PKD2L1: variants seen among roughly 807,000 people sequenced by gnomAD.
PKD2L1 encodes polycystin 2 like 1, transient receptor potential cation channel.
PKD2L1 carries 77 observed loss-of-function variants against 93.0 expected under a neutral mutation model. The observed-to-expected ratio is 0.83, with a 90% CI of 0.69 to 1.00. The LOEUF is 1.00. Among genes scored for constraint, PKD2L1 ranks in the 50% least tolerant of loss-of-function variants. The pLI, the probability that PKD2L1 is intolerant of heterozygous loss-of-function variation, is 0.00. For synonymous variants in PKD2L1, 390 were observed against 388.0 expected (o/e 1.01, Z -0.06); for missense variants, 977 against 990.9 (o/e 0.99, Z 0.19).
At chr10:100,299,211 C>T (rs146209674) in intron 3 of PKD2L1, among the ~76,000 whole-genome samples, 260 of 152,294 alleles carry the variant, frequency 1.7e-3, no homozygotes, top group African/African-American at 5.8e-3. Flanking sequence ...TCTGCCTCAG[C>T]CTCCTAAAGT....
At chr10:100,318,307 A>G (rs1377236310) in intron 2 of PKD2L1, among the ~76,000 whole-genome samples, 2 of 152,334 alleles carry the variant, frequency 1.3e-5, no homozygotes, top group Middle Eastern at 3.4e-3. Context: ...CCTATCAGAC[A>G]TATCTGCTGA....
chr10:100,306,008 T>C (rs1160017076), intron 2 of PKD2L1, among the ~76,000 whole-genome samples: 1 of 151,812 alleles, frequency 6.6e-6, no homozygotes, highest in Non-Finnish European at 1.5e-5. Flanking sequence ...CGTGGCAAGA[T>C]CCTGTTTCTA....
At chr10:100,310,936 G>A (rs1481569420) in intron 2 of PKD2L1, among the ~76,000 whole-genome samples, 1 of 152,120 alleles carries the variant, frequency 6.6e-6, no homozygotes, top group Non-Finnish European at 1.5e-5. Context: ...GTTTCACGTT[G>A]CCCAGGCTGG....
Position 100,288,493 on chromosome 10 carries a change from G to T in PKD2L1, c.2336-15C>A. ...ATAGGGAACCTCTGTGGGGGAAAACGAGAAACCCATGGGTGCTAGCAACAA... is the reference window on the plus strand; with the variant it reads ...ATAGGGAACCTCTGTGGGGGAAAACTAGAAACCCATGGGTGCTAGCAACAA... On this transcript the variant is annotated splice_polypyrimidine_tract_variant and intron_variant, in intron 15 of 15. Transcript: ENST00000318222. 6.6e-7 allele frequency: 1 copy of T among 1,524,232 alleles called. No individual in the cohort carries two copies. Among genetic ancestry groups the T allele is most frequent in the South Asian group, 1.1e-5 (1 of 89,272 alleles). 94.4% of individuals were successfully genotyped at this position (1,524,232 alleles called of 1,614,324 possible).
intron 2 of PKD2L1, among the ~76,000 whole-genome samples, chr10:100,323,557 C>T (rs572440752): frequency 2.6e-4 from 39 of 152,278 alleles, no homozygotes; most frequent in South Asian, 8.3e-4. Flanking sequence ...GCATGAGCCA[C>T]GGCGCCCGGC....
chr10:100,321,886 G>GGAAGCAAGCAA (rs1849263908), intron 2 of PKD2L1, among the ~76,000 whole-genome samples: 2 of 5,442 alleles, frequency 3.7e-4, no homozygotes, highest in Non-Finnish European at 1.9e-3. Flanking sequence ...CAGGGAGGGA[G>GGAAGCAAGCAA]GGAGGGAGGG....
Position 100,298,655 on chromosome 10 carries a change from T to C in PKD2L1, c.638A>G (p.His213Arg), listed in dbSNP as rs1325164518. The C allele has an allele frequency of 1.2e-6, 2 of 1,614,068 alleles. No homozygotes were observed. Among genetic ancestry groups the C allele is most frequent in the Admixed American group, 1.7e-5 (1 of 59,996 alleles). The change falls in exon 4 of 16, where the codon CAT becomes CGT. Residue 213 changes from histidine (H) to arginine (R), a missense_variant. His to Arg is a conservative substitution (Grantham distance 29, BLOSUM62 0). Transcript: ENST00000318222. ...CAGAATGTCCTCCCGGAAGTCTTCA[T>C]GCACCACACAGGAGTCATTGCGGAC... ...LKVRNDSCVVHEDFREDILSC... is the reference protein window; with the variant it reads ...LKVRNDSCVVREDFREDILSC...
intron 1 of PKD2L1, 124 bp from the exon 2 acceptor site, chr10:100,329,448 T>G: frequency 2.2e-6 from 3 of 1,346,470 alleles, no homozygotes; most frequent in Non-Finnish European, 3.1e-6. Context: ...ATCACCTTCA[T>G]CCTTGGCTGA....
chr10:100,294,418 CCACT>C, intron 9 of PKD2L1, 113 bp downstream of exon 9: 3 of 1,077,946 alleles, frequency 2.8e-6, no homozygotes, highest in Non-Finnish European at 2.8e-6. Context: ...ATCGGCCCCC[CCACT>C]CACTCTCCAT....
chr10:100,319,914 T>C (rs145884617), intron 2 of PKD2L1, among the ~76,000 whole-genome samples: 22 of 152,306 alleles, frequency 1.4e-4, no homozygotes, highest in Non-Finnish European at 2.6e-4. Flanking sequence ...CCTTCAATGT[T>C]TCCTCCATCA....
chr10:100,297,320 T>G (rs1231253869), intron 5 of PKD2L1, 62 bp downstream of exon 5: 2 of 1,550,174 alleles, frequency 1.3e-6, no homozygotes, highest in South Asian at 1.1e-5. Context: ...AAGGGTCTCA[T>G]GCACAAGAGA....
intron 2 of PKD2L1, 150 bp downstream of exon 2, chr10:100,329,061 G>T: frequency 1.5e-6 from 1 of 645,876 alleles, no homozygotes; most frequent in Non-Finnish European, 2.6e-6. Flanking sequence ...AGATGGGATT[G>T]GAATATTGTT....
chr10:100,321,748 A>G (rs865950580), intron 2 of PKD2L1, among the ~76,000 whole-genome samples: 6 of 6,250 alleles, frequency 9.6e-4, no homozygotes, highest in Non-Finnish European at 2.0e-3. Context: ...AGAAAGAAAG[A>G]AAGAAAGAAG....
At chr10:100,293,443 G>A in intron 9 of PKD2L1, 64 bp from the exon 10 acceptor site, 1 of 1,045,222 alleles carries the variant, frequency 9.6e-7, no homozygotes, top group South Asian at 1.3e-5. Context: ...TGAGCCCACT[G>A]ACCCCATTAA....
intron 2 of PKD2L1, among the ~76,000 whole-genome samples, chr10:100,306,085 G>A (rs796921532): frequency 2.1e-4 from 32 of 152,146 alleles, no homozygotes; most frequent in African/African-American, 7.5e-4. Context: ...CTCGGTGAGA[G>A]ATGAGAGGTC....
intron 2 of PKD2L1, among the ~76,000 whole-genome samples, chr10:100,305,983 T>C (rs1848790879): frequency 6.6e-6 from 1 of 151,954 alleles, no homozygotes; most frequent in East Asian, 1.9e-4. Context: ...AGGAGTTCGA[T>C]ATCAGCCTGG....
Position 100,329,383 on chromosome 10 carries a change from C to T in PKD2L1, c.236-59G>A, listed in dbSNP as rs773608646. ...AGTGGCAGTGTTCCTCCCAGTCATCCCCACCCATCTGTCTCTGGACTTTAG... is the reference window on the plus strand; with the variant it reads ...AGTGGCAGTGTTCCTCCCAGTCATCTCCACCCATCTGTCTCTGGACTTTAG... On this transcript the variant is annotated intron_variant, in intron 1 of 15. Transcript: ENST00000318222. 1.6e-5 allele frequency: 26 copies of T among 1,612,212 alleles called. No homozygotes were observed. In the African/African-American group the frequency reaches 2.5e-4, roughly 16 times the overall value.
intron 3 of PKD2L1, 87 bp downstream of exon 3, chr10:100,299,504 C>T: frequency 8.0e-7 from 1 of 1,245,692 alleles, no homozygotes; most frequent in Non-Finnish European, 1.2e-6. Flanking sequence ...ATTTGATTTC[C>T]CAGCATAAGG....
intron 2 of PKD2L1, among the ~76,000 whole-genome samples, chr10:100,321,689 A>G (rs184849857): frequency 0.056 from 109 of 1,944 alleles, 2 homozygotes; most frequent in African/African-American, 0.14. Context: ...GAAAGAAAGA[A>G]AGAAAGAAAG....
Sources: gnomAD v4.1 joint callset for allele counts (sites outside exome capture counted in the v4.1 genomes callset) on GRCh38, gnomAD v4.1.1 for gene constraint, MANE v1.5 for transcripts, NCBI Gene and HGNC (gene_info 2026-07-23, HGNC 2026-07-21) for gene names.